SLIT3: variants seen among roughly 807,000 people sequenced by gnomAD.
SLIT3 encodes the protein slit guidance ligand 3.
SLIT3 carries 68 observed loss-of-function variants against 184.0 expected under a neutral mutation model. The observed-to-expected ratio is 0.37, with a 90% CI of 0.30 to 0.45. The LOEUF (loss-of-function observed/expected upper bound fraction) is 0.45. SLIT3 is among the 20% of genes least tolerant of loss of function. The probability of loss-of-function intolerance (pLI) is 1.00; values close to 1 mark genes in which losing one functional copy is unlikely to be tolerated. For synonymous variants in SLIT3, 831 were observed against 828.6 expected, an observed-to-expected ratio of 1.00 and a Z score of -0.05; for missense variants, 1,707 against 2,026.0, an observed-to-expected ratio of 0.84 and a Z score of 3.02.
intron 9 of SLIT3, among the ~76,000 whole-genome samples, chr5:168,798,085 G>A (rs1756631905): frequency 6.6e-6 from 1 of 152,148 alleles, no homozygotes; most frequent in South Asian, 2.1e-4. Flanking sequence ...TATAAATGGA[G>A]TACAAAGGTG....
chr5:169,256,207 G>A (rs2113604093), intron 1 of SLIT3, among the ~76,000 whole-genome samples: 1 of 152,256 alleles, frequency 6.6e-6, no homozygotes, highest in South Asian at 2.1e-4. Flanking sequence ...AGCCACTTAG[G>A]AGGCTGAGGT....
chr5:169,103,707 T>C (rs1760100946), intron 4 of SLIT3, among the ~76,000 whole-genome samples: 1 of 152,200 alleles, frequency 6.6e-6, no homozygotes, highest in Admixed American at 6.5e-5. Flanking sequence ...ACAGGAACTT[T>C]CTGAAAACAT....
chr5:169,170,846 G>C (rs1762795324), intron 4 of SLIT3, among the ~76,000 whole-genome samples: 1 of 152,178 alleles, frequency 6.6e-6, no homozygotes, highest in Admixed American at 6.5e-5. Flanking sequence ...GAGAACAAGG[G>C]TGGTTTTTCC....
At position 168,760,914 on chromosome 5, in the gene SLIT3, A is replaced by T. The variant is rs1304106131; in HGVS notation, c.1633T>A (p.Ser545Thr). The T allele has an allele frequency of 6.2e-7, 1 of 1,613,878 alleles. No homozygotes were observed. The highest frequency in any genetic ancestry group is 8.5e-7 in the Non-Finnish European group (1 of 1,179,866). The part of the protein sequence containing the change: ...TDLRLNDNEV[S>T]VLEATGIFKK... Reference sequence around the variant, plus strand: ...AAGATGCCAGTGGCCTCCAGAACAGATACCTCATTGTCATTCAGTCGCCTG... The same window carrying T: ...AAGATGCCAGTGGCCTCCAGAACAGTTACCTCATTGTCATTCAGTCGCCTG... The change falls in exon 16 of 36, where the codon TCT becomes ACT. Residue 545 changes from serine (S) to threonine (T), a missense_variant. Ser to Thr is a moderately conservative substitution (Grantham distance 58). This residue lies in a region of SLIT3 where 1,307 missense variants were observed against 1,511.6 expected (regional missense o/e 0.86). Transcript: ENST00000519560.
At chr5:169,064,224 C>A (rs1758272317) in intron 4 of SLIT3, among the ~76,000 whole-genome samples, 1 of 152,194 alleles carries the variant, frequency 6.6e-6, no homozygotes, top group African/African-American at 2.4e-5. Context: ...AGGACTCTAA[C>A]TGAAGTCGGG....
Position 168,844,679 on chromosome 5 carries a change from T to C in SLIT3, c.486-24A>G, listed in dbSNP as rs376476509. 7.7e-5 allele frequency: 125 copies of C among 1,613,198 alleles called. 2 individuals carry two copies. The African/African-American group carries it at 1.1e-3, about 14-fold the overall frequency. On this transcript the variant is annotated intron_variant, in intron 5 of 35. Coordinates refer to ENST00000519560, the MANE Select transcript of SLIT3 (RefSeq NM_003062.4). ...GCCTGTGGAAAAGCAGGGGAGAGCA[T>C]GAAGGCTGAGCGGGGGCAGCGTGAG... is the stretch of plus-strand genomic sequence containing the variant.
intron 10 of SLIT3, chr5:168,791,752 T>C (rs1272878810): frequency 6.6e-6 from 1 of 152,208 alleles, no homozygotes; most frequent in Non-Finnish European, 1.5e-5. Context: ...AAATCTACTC[T>C]CTGAGCTATT....
At position 169,000,710 on chromosome 5, in the gene SLIT3, T is replaced by C. The variant is rs538882749; in HGVS notation, c.414-117374A>G. Among the ~76,000 whole-genome samples the C allele has an allele frequency of 4.6e-5, 7 of 152,316 alleles. No homozygotes were observed. The East Asian group carries it at 1.4e-3, about 29-fold the overall frequency. ...ACTGAAGAATGGTCAGAAATTACCT[T>C]CACACAAACAGCAACAGAAAGAAAG... On this transcript the variant is annotated intron_variant, in intron 4 of 35. Coordinates refer to ENST00000519560, the MANE Select transcript of SLIT3 (RefSeq NM_003062.4).
chr5:169,137,327 C>CAGAGAG (rs761731942), intron 4 of SLIT3, among the ~76,000 whole-genome samples: 3 of 87,240 alleles, frequency 3.4e-5, no homozygotes, highest in Non-Finnish European at 7.7e-5. Flanking sequence ...CACACACACA[C>CAGAGAG]ACACACACAG....
At chr5:169,028,245 A>G (rs938955346) in intron 4 of SLIT3, among the ~76,000 whole-genome samples, 5 of 69,252 alleles carry the variant, frequency 7.2e-5, no homozygotes, top group Middle Eastern at 6.0e-3. Flanking sequence ...TAGTGATGGG[A>G]AAAAAAAAAA....
chr5:168,956,971 G>A (rs1762847704), intron 4 of SLIT3, among the ~76,000 whole-genome samples: 1 of 151,486 alleles, frequency 6.6e-6, no homozygotes, highest in African/African-American at 2.4e-5. Flanking sequence ...GCTCACACCT[G>A]TAATCCCAGC....
intron 4 of SLIT3, among the ~76,000 whole-genome samples, chr5:168,916,863 T>A (rs1761452409): frequency 6.6e-6 from 1 of 152,144 alleles, no homozygotes; most frequent in Non-Finnish European, 1.5e-5. Flanking sequence ...GGGGAAGCCT[T>A]ATACAGGTAG....
At chr5:169,035,249 T>C (rs1213436750) in intron 4 of SLIT3, among the ~76,000 whole-genome samples, 2 of 152,108 alleles carry the variant, frequency 1.3e-5, no homozygotes, top group Admixed American at 6.5e-5. Context: ...GAGAGGGTCA[T>C]CTTGATCAAT....
intron 3 of SLIT3, among the ~76,000 whole-genome samples, chr5:169,223,054 G>T (rs577984932): frequency 1.1e-4 from 17 of 152,260 alleles, no homozygotes; most frequent in African/African-American, 3.9e-4. Context: ...AGCTGCATGG[G>T]TTATTAAAGG....
At chr5:168,821,618 G>A (rs1300523955) in intron 7 of SLIT3, among the ~76,000 whole-genome samples, 1 of 152,238 alleles carries the variant, frequency 6.6e-6, no homozygotes, top group Admixed American at 6.5e-5. Flanking sequence ...GCTTTTCAAT[G>A]AGGGATCCAG....
chr5:169,238,873 ACT>A (rs947870285), intron 3 of SLIT3, among the ~76,000 whole-genome samples: 11 of 151,938 alleles, frequency 7.2e-5, no homozygotes, highest in African/African-American at 2.7e-4. Context: ...ATCTGATAGA[ACT>A]CTCTTCTATA....
chr5:168,755,389 A>ATTTC (rs139729506), intron 16 of SLIT3, among the ~76,000 whole-genome samples: 4,627 of 133,556 alleles, frequency 0.035, 236 homozygotes, highest in Admixed American at 0.04. Context: ...CAGTGCCGCC[A>ATTTC]TTTCTTTCTT....
chr5:168,842,598 C>A (rs944391261), intron 6 of SLIT3, among the ~76,000 whole-genome samples: 2 of 151,576 alleles, frequency 1.3e-5, no homozygotes, highest in Non-Finnish European at 2.9e-5. Flanking sequence ...GTTATGAGAG[C>A]CCCTCCTATG....
intron 23 of SLIT3, among the ~76,000 whole-genome samples, chr5:168,715,191 CTTTTGGTTTCTCAGATT>C (rs1413369316): frequency 6.6e-6 from 1 of 152,138 alleles, no homozygotes; most frequent in African/African-American, 2.4e-5. Context: ...AGACAATTGA[CTTTTGGTTTCTCAGATT>C]TTTTGGTTTC....
Sources: gnomAD v4.1 joint callset for allele counts (sites outside exome capture counted in the v4.1 genomes callset) on GRCh38, gnomAD v4.1.1 for gene constraint, gnomAD v4.1.1 regional missense constraint, MANE v1.5 for transcripts, NCBI Gene and HGNC (gene_info 2026-07-23, HGNC 2026-07-21) for gene names.